Variants in CCDC178 observed in about 807,000 individuals in gnomAD.
CCDC178 encodes the protein coiled-coil domain containing 178.
Under a neutral mutation model 117.4 loss-of-function variants are expected in CCDC178, and 126 were observed. That is an observed-to-expected ratio of 1.07 (90% CI 0.93 to 1.24). CCDC178 has a LOEUF of 1.24. Among genes scored for constraint, CCDC178 ranks in the 50% most tolerant of loss-of-function variants. The pLI is 0.00. For missense variants in CCDC178, 1,030 were observed against 986.9 expected (o/e 1.04, Z -0.59); for synonymous variants, 283 against 313.4 (o/e 0.90, Z 1.02).
chr18:33,215,381 T>C (rs2144600634), intron 19 of CCDC178, among the ~76,000 whole-genome samples, 169 bp downstream of exon 19: 1 of 152,168 alleles, frequency 6.6e-6, no homozygotes, highest in Middle Eastern at 3.4e-3. Context: ...AAGCAGTTTA[T>C]GATTATGCTT....
chr18:33,079,008 A>G (rs2057255853), intron 21 of CCDC178, among the ~76,000 whole-genome samples: 1 of 152,194 alleles, frequency 6.6e-6, no homozygotes, highest in African/African-American at 2.4e-5. Flanking sequence ...GAGGCATCAC[A>G]TTACTGGACT....
intron 21 of CCDC178, among the ~76,000 whole-genome samples, chr18:33,045,868 A>G (rs2056632392): frequency 6.6e-6 from 1 of 152,056 alleles, no homozygotes; most frequent in Non-Finnish European, 1.5e-5. Flanking sequence ...GGAGTTCGAG[A>G]CCAGCCTGGC....
Position 32,937,838 on chromosome 18 carries a change from G to T in CCDC178, c.*173C>A. 1.7e-6 allele frequency: 1 copy of T among 586,322 alleles called. No individual in the cohort carries two copies. The highest frequency in any genetic ancestry group is 3.1e-6 in the Non-Finnish European group (1 of 325,852). 36.3% of individuals were successfully genotyped at this position (586,322 alleles called of 1,614,324 possible). ...CAGCATGAAAGTCACCTGTTTCATT[G>T]TTATGGATTTGCTGTGAGTAAAAGA... On this transcript the variant is annotated 3_prime_UTR_variant, in exon 23 of 23. Transcript: ENST00000383096.
intron 10 of CCDC178, among the ~76,000 whole-genome samples, chr18:33,330,417 C>T (rs28629434): frequency 1.3e-5 from 2 of 152,060 alleles, no homozygotes; most frequent in Admixed American, 6.6e-5. Context: ...GCTACAGAAG[C>T]CAAGAGGTCT....
At chr18:33,145,100 G>C (rs980406546) in intron 20 of CCDC178, among the ~76,000 whole-genome samples, 1 of 152,044 alleles carries the variant, frequency 6.6e-6, no homozygotes, top group Non-Finnish European at 1.5e-5. Context: ...ATAATTATGA[G>C]CTTAATTTCC....
At chr18:33,395,104 T>C (rs532454076) in intron 4 of CCDC178, among the ~76,000 whole-genome samples, 2 of 150,494 alleles carry the variant, frequency 1.3e-5, no homozygotes, top group Admixed American at 1.3e-4. Flanking sequence ...ACAAAAGTCA[T>C]TGACAATTCC....
chr18:33,374,084 T>A (rs138334546), intron 5 of CCDC178, among the ~76,000 whole-genome samples: 8 of 152,036 alleles, frequency 5.3e-5, no homozygotes, highest in Non-Finnish European at 8.8e-5. Context: ...AATAAAGAGA[T>A]CTGGGAGAAA....
chr18:33,438,540 G>T (rs2064324861), intron 2 of CCDC178, among the ~76,000 whole-genome samples: 1 of 144,316 alleles, frequency 6.9e-6, no homozygotes, highest in Non-Finnish European at 1.5e-5. Flanking sequence ...CACACACACG[G>T]CAAACACACA....
intron 11 of CCDC178, among the ~76,000 whole-genome samples, chr18:33,317,076 C>T (rs2062429662): frequency 1.3e-5 from 2 of 152,124 alleles, no homozygotes; most frequent in African/African-American, 4.8e-5. Context: ...TAAAATCAGG[C>T]TGCCCAAGCC....
intron 21 of CCDC178, among the ~76,000 whole-genome samples, chr18:32,981,858 T>C (rs774683241): frequency 3.3e-5 from 5 of 152,178 alleles, no homozygotes; most frequent in Non-Finnish European, 7.4e-5. Flanking sequence ...ATTAACACAG[T>C]TGTTGGTTAG....
intron 10 of CCDC178, among the ~76,000 whole-genome samples, chr18:33,332,121 T>C (rs1267363403): frequency 2.0e-5 from 3 of 152,266 alleles, no homozygotes; most frequent in South Asian, 2.1e-4. Flanking sequence ...GATTAAAAAA[T>C]AGGTTGCAGA....
chr18:33,364,732 C>CTTT lies in CCDC178; in HGVS notation c.348+5315_348+5317dup, dbSNP rs34988094. On this transcript the variant is annotated intron_variant, in intron 6 of 22. Coordinates refer to ENST00000383096, the MANE Select transcript of CCDC178 (RefSeq NM_001105528.4). ...GTTTGAAGCATTTCTGTTGTCGCTC[C>CTTT]TTTTTTTTTTTTTTTTTTGCAAAGA... Among the ~76,000 whole-genome samples the CTTT allele has an allele frequency of 2.2e-3, 246 of 110,774 alleles. 7 individuals are homozygous for CTTT. Among genetic ancestry groups the CTTT allele is most frequent in the African/African-American group, 5.9e-3 (178 of 29,970 alleles). The allele number at this position is 110,774 out of a possible 152,430, so 72.7% of individuals were successfully genotyped here. A position where few individuals can be genotyped will look rare whatever the true frequency, so the allele number is the denominator to read the frequency against.
chr18:33,340,211 G>A (rs2062798452), intron 9 of CCDC178, among the ~76,000 whole-genome samples: 2 of 152,102 alleles, frequency 1.3e-5, no homozygotes, highest in Non-Finnish European at 2.9e-5. Flanking sequence ...CAAAGAGACT[G>A]GTGGCATTTT....
chr18:32,944,601 C>A (rs574596071), intron 22 of CCDC178, among the ~76,000 whole-genome samples: 17 of 152,228 alleles, frequency 1.1e-4, no homozygotes, highest in African/African-American at 3.9e-4. Context: ...ACAGCTCTTG[C>A]GTAGGCACCA....
intron 20 of CCDC178, among the ~76,000 whole-genome samples, chr18:33,202,492 A>G (rs1766809135): frequency 6.6e-6 from 1 of 151,418 alleles, no homozygotes; most frequent in Admixed American, 6.6e-5. Flanking sequence ...TTGTACTGAA[A>G]ATGCCAGCAA....
intron 2 of CCDC178, among the ~76,000 whole-genome samples, chr18:33,413,937 C>G (rs928782290): frequency 6.6e-6 from 1 of 152,098 alleles, no homozygotes; most frequent in South Asian, 2.1e-4. Context: ...TCAAATTACC[C>G]GGGTAATTCC....
chr18:33,318,187 ACTTCTCAATTCCATGG>A (rs942495248), intron 11 of CCDC178, among the ~76,000 whole-genome samples: 1 of 152,160 alleles, frequency 6.6e-6, no homozygotes, highest in Non-Finnish European at 1.5e-5. Context: ...CCATGTTACT[ACTTCTCAATTCCATGG>A]TCTGCACTGC....
chr18:33,285,248 C>T (rs2060084554), intron 12 of CCDC178, among the ~76,000 whole-genome samples: 2 of 152,004 alleles, frequency 1.3e-5, no homozygotes, highest in Non-Finnish European at 2.9e-5. Context: ...TAGATTATTT[C>T]CTGGGCCATT....
chr18:33,204,969 A>G (rs974962381), intron 20 of CCDC178, among the ~76,000 whole-genome samples: 1 of 152,088 alleles, frequency 6.6e-6, no homozygotes, highest in African/African-American at 2.4e-5. Flanking sequence ...GGATAACAGA[A>G]GAAAAGGGGC....
Sources: gnomAD v4.1 joint callset for allele counts (sites outside exome capture counted in the v4.1 genomes callset) on GRCh38, gnomAD v4.1.1 for gene constraint, MANE v1.5 for transcripts, NCBI Gene and HGNC (gene_info 2026-07-23, HGNC 2026-07-21) for gene names.